PPM1M: variants seen among roughly 807,000 people sequenced by gnomAD.
PPM1M encodes the protein protein phosphatase, Mg2+/Mn2+ dependent 1M, also known as protein phosphatase 1M.
Under a neutral mutation model 50.8 loss-of-function variants are expected in PPM1M, and 44 were observed. The observed-to-expected ratio is 0.87, with a 90% CI of 0.68 to 1.11. PPM1M has a LOEUF of 1.11. PPM1M is among the 50% of genes most tolerant of loss of function. The pLI is 0.00. For missense variants in PPM1M, 556 were observed against 593.4 expected (o/e 0.94, Z 0.66); for synonymous variants, 224 against 242.9 (o/e 0.92, Z 0.72).
chr3:52,246,662 C>T, intron 1 of PPM1M, 33 bp from the exon 2 acceptor site: 2 of 1,270,028 alleles, frequency 1.6e-6, no homozygotes, highest in Non-Finnish European at 2.1e-6. Flanking sequence ...TAGGTGTGTC[C>T]CTGGAGGGTC....
chr3:52,248,401 G>C lies in PPM1M; in HGVS notation c.862G>C (p.Gly288Arg), dbSNP rs779061571. The change falls in exon 6 of 10, where the codon GGG becomes CGG. Residue 288 changes from glycine to arginine, a missense_variant. Transcript: ENST00000323588. ...ACTGGAGTTCCCTCGGCGGCTGAAG[G>C]GGGATGACTTGGGACAGAAGGTTTT... The part of the protein sequence containing the change: ...TRLEFPRRLK[G>R]DDLGQKVLFR... 67 of 1,613,732 alleles carry C rather than the reference G, an allele frequency of 4.2e-5. No individual in the cohort carries two copies. In the Admixed American group the frequency reaches 1.1e-3, roughly 26 times the overall value.
At position 52,249,826 on chromosome 3, in the gene PPM1M, C is replaced by T; in HGVS notation, c.*12C>T. 1 of 1,609,566 alleles carries T rather than the reference C, an allele frequency of 6.2e-7. No homozygotes were observed. Among genetic ancestry groups the T allele is most frequent in the Middle Eastern group, 1.7e-4 (1 of 6,026 alleles). ...GCAGTGACCACTGAGGATTCAGACACTGTATCCCAGAACTGCTCTAGTGCC... is the reference window on the plus strand; with the variant it reads ...GCAGTGACCACTGAGGATTCAGACATTGTATCCCAGAACTGCTCTAGTGCC... On this transcript the variant is annotated 3_prime_UTR_variant, in exon 10 of 10. Transcript: ENST00000323588.
chr3:52,247,854 G>A, intron 4 of PPM1M, 60 bp downstream of exon 4: 3 of 1,089,358 alleles, frequency 2.8e-6, no homozygotes, highest in Non-Finnish European at 4.1e-6. Context: ...GCAGCAATGG[G>A]GACAAGCAAA....
intron 7 of PPM1M, 92 bp downstream of exon 7, chr3:52,248,792 C>A: frequency 1.4e-6 from 2 of 1,430,688 alleles, no homozygotes; most frequent in Non-Finnish European, 2.0e-6. Flanking sequence ...GTAGCTGTGG[C>A]TGGTGGCCTG....
intron 3 of PPM1M, 190 bp downstream of exon 3, chr3:52,247,418 G>A: frequency 1.2e-6 from 1 of 851,028 alleles, no homozygotes; most frequent in Non-Finnish European, 1.8e-6. Context: ...AGCACCTACT[G>A]TGTGCTAACT....
intron 6 of PPM1M, 57 bp downstream of exon 6, chr3:52,248,510 G>C: frequency 6.3e-7 from 1 of 1,591,354 alleles, no homozygotes; most frequent in Non-Finnish European, 8.6e-7. Context: ...AGGCCCAGCC[G>C]TATGGCCTGG....
chr3:52,246,281 C>A (rs1386305701), intron 1 of PPM1M: 21 of 1,035,130 alleles, frequency 2.0e-5, no homozygotes, highest in Admixed American at 5.4e-5. Context: ...GGACCTGCAG[C>A]CCAGGGGCTT....
Position 52,247,042 on chromosome 3 carries a change from C to T in PPM1M, c.411C>T (p.Ala137=), listed in dbSNP as rs1228866702. ...HGGPAAAILA[A]NTLHSCLRRQ... ...GTCCTGCAGCAGCCATCTTGGCTGCCAACACCCTGCACTCCTGCTTGCGCC... is the reference window on the plus strand; with the variant it reads ...GTCCTGCAGCAGCCATCTTGGCTGCTAACACCCTGCACTCCTGCTTGCGCC... The change falls in exon 3 of 10, where the codon GCC becomes GCT. Residue 137 remains alanine, a synonymous_variant. Transcript: ENST00000323588. The T allele has an allele frequency of 1.3e-6, 2 of 1,554,052 alleles. No homozygotes were observed. Among genetic ancestry groups the T allele is most frequent in the Non-Finnish European group, 1.7e-6 (2 of 1,148,546 alleles).
Position 52,245,939 on chromosome 3 carries a change from G to A in PPM1M, c.115G>A (p.Gly39Ser). 2.4e-6 allele frequency: 3 copies of A among 1,241,846 alleles called. No homozygotes were observed. The highest frequency in any genetic ancestry group is 3.1e-6 in the Non-Finnish European group (3 of 967,184). The allele number at this position is 1,241,846 out of a possible 1,614,324, so 76.9% of individuals were successfully genotyped here. ...CTACCGACGGCCCCGCTTCCTTCGCGGCTCCAGCTCCAGCCCCGGGGCGGC... is the reference window on the plus strand; with the variant it reads ...CTACCGACGGCCCCGCTTCCTTCGCAGCTCCAGCTCCAGCCCCGGGGCGGC... ...VPYRRPRFLR[G>S]SSSSPGAADA... Residue 39 changes from glycine (G) to serine (S), a missense_variant, in exon 1 of 10, where the codon GGC (glycine) becomes AGC (serine). By Grantham distance (56) the Gly-to-Ser change is moderately conservative. Coordinates refer to ENST00000323588, the MANE Select transcript of PPM1M (RefSeq NM_144641.4). This position sits in a 1 kb window ranked among gnomAD's most constrained non-coding sequence, Gnocchi z 4.8.
chr3:52,248,463 G>A lies in PPM1M; in HGVS notation c.914+10G>A. The A allele has an allele frequency of 6.2e-7, 1 of 1,610,472 alleles. No individual in the cohort carries two copies. Among genetic ancestry groups the A allele is most frequent in the Non-Finnish European group, 8.5e-7 (1 of 1,177,100 alleles). On this transcript the variant is annotated intron_variant, in intron 6 of 9. Coordinates refer to ENST00000323588, the MANE Select transcript of PPM1M (RefSeq NM_144641.4). ...ACCACATGAGTGGCTGGTGAGTGGG[G>A]ATGGGGGACAGGTAGGAAGGGAGAC...
chr3:52,249,629 T>C, intron 9 of PPM1M, 41 bp from the exon 10 acceptor site: 1 of 1,610,436 alleles, frequency 6.2e-7, no homozygotes, highest in Non-Finnish European at 8.5e-7. Context: ...CTTGCCCCTT[T>C]GCTCTGCCCC....
Position 52,248,353 on chromosome 3 carries a change from C to T in PPM1M, c.814C>T (p.Leu272Phe), listed in dbSNP as rs1207228857. The change falls in exon 6 of 10, where the codon CTT becomes TTT. Residue 272 changes from leucine to phenylalanine, a missense_variant. Leu to Phe is a conservative substitution (Grantham distance 22). Transcript: ENST00000323588. The stretch of plus-strand genomic sequence containing the variant: ...ACCCCAGGCCTTTGTCTATCCTGAG[C>T]TTCTGGCTGGTGAGTTCACCCGACT... Reference protein sequence around the residue: ...IQQLAFVYPELLAGEFTRLEF... With the variant: ...IQQLAFVYPEFLAGEFTRLEF... 6.2e-7 allele frequency: 1 copy of T among 1,612,994 alleles called. No homozygotes were observed. The highest frequency in any genetic ancestry group is 2.2e-5 in the East Asian group (1 of 44,842).
Position 52,245,886 on chromosome 3 carries a change from C to G in PPM1M, c.62C>G (p.Pro21Arg). The change falls in exon 1 of 10, where the codon CCG (proline) becomes CGG (arginine). Residue 21 changes from proline to arginine, a missense_variant. Coordinates refer to ENST00000323588, the MANE Select transcript of PPM1M (RefSeq NM_144641.4). The surrounding 1 kb of genome is among the most constrained non-coding windows in gnomAD (Gnocchi z 4.8). ...GGGGAGCCGCTCCCCGCGCCGCGGC[C>G]GCCTGGGCCGCATGCCAGCCCCGTG... ...LPGEPLPAPR[P>R]PGPHASPVPY... 8.8e-7 allele frequency: 1 copy of G among 1,132,732 alleles called. No individual in the cohort carries two copies. The highest frequency in any genetic ancestry group is 1.1e-6 in the Non-Finnish European group (1 of 907,644). The allele number at this position is 1,132,732 out of a possible 1,614,324, so 70.2% of individuals were successfully genotyped here. A position where few individuals can be genotyped will look rare whatever the true frequency, so the allele number is the denominator to read the frequency against.
Position 52,245,787 on chromosome 3 carries a change from C to A in PPM1M, c.-38C>A. 7 of 969,940 alleles carry A rather than the reference C, an allele frequency of 7.2e-6. No homozygotes were observed. Among genetic ancestry groups the A allele is most frequent in the Non-Finnish European group, 8.6e-6 (7 of 815,916 alleles). The allele number at this position is 969,940 out of a possible 1,614,324, so 60.1% of individuals were successfully genotyped here. A position where few individuals can be genotyped will look rare whatever the true frequency, so the allele number is the denominator to read the frequency against. On this transcript the variant is annotated 5_prime_UTR_variant, in exon 1 of 10. Transcript: ENST00000323588. This position sits in a 1 kb window ranked among gnomAD's most constrained non-coding sequence, Gnocchi z 4.8. ...CCTCCCGCGGGCGGCCCAGCCCTAG[C>A]GCCCCGCGCTCCGCGGGCAGCCCCC...
Position 52,245,794 on chromosome 3 carries a change from C to T in PPM1M, c.-31C>T, listed in dbSNP as rs1699843976. On this transcript the variant is annotated 5_prime_UTR_variant, in exon 1 of 10. Coordinates refer to ENST00000323588, the MANE Select transcript of PPM1M (RefSeq NM_144641.4). This position sits in a 1 kb window ranked among gnomAD's most constrained non-coding sequence, Gnocchi z 4.8. ...CGGGCGGCCCAGCCCTAGCGCCCCG[C>T]GCTCCGCGGGCAGCCCCCTGCCGCC... is the stretch of plus-strand genomic sequence containing the variant. 12 of 987,508 alleles carry T rather than the reference C, an allele frequency of 1.2e-5. No individual in the cohort carries two copies. The highest frequency in any genetic ancestry group is 4.5e-5 in the South Asian group (1 of 22,376). 61.2% of individuals were successfully genotyped at this position (987,508 alleles called of 1,614,324 possible). A position where few individuals can be genotyped will look rare whatever the true frequency, so the allele number is the denominator to read the frequency against.
chr3:52,247,833 G>C (rs771936703), intron 4 of PPM1M, 39 bp downstream of exon 4: 28 of 1,105,784 alleles, frequency 2.5e-5, no homozygotes, highest in Non-Finnish European at 2.6e-5. Context: ...GGTGGGATGG[G>C]GAGGGCATAA....
In PPM1M at chr3:52,246,730, A is replaced by G. The variant is rs1432582142; in HGVS notation, c.260A>G (p.Asp87Gly). The G allele has an allele frequency of 7.6e-7, 1 of 1,318,344 alleles. No individual in the cohort carries two copies. Among genetic ancestry groups the G allele is most frequent in the African/African-American group, 1.5e-5 (1 of 66,558 alleles). The allele number at this position is 1,318,344 out of a possible 1,614,324, so 81.7% of individuals were successfully genotyped here. ...GCAGAGAAATCTGAATTCAATGAGG[A>G]TCAAGCCGCCTGTGGGAAGCTGTGC... is the stretch of plus-strand genomic sequence containing the variant. ...INAEKSEFNE[D>G]QAACGKLCIR... is the part of the protein sequence containing the mutation. Residue 87 changes from aspartate (D) to glycine (G), a missense_variant, in exon 2 of 10, where the codon GAT becomes GGT. Transcript: ENST00000323588.
chr3:52,249,625 C>T (rs1699928492), intron 9 of PPM1M, 45 bp from the exon 10 acceptor site: 1 of 1,610,012 alleles, frequency 6.2e-7, no homozygotes, highest in South Asian at 1.1e-5. Flanking sequence ...TGGCCTTGCC[C>T]CTTTGCTCTG....
Position 52,245,871 on chromosome 3 carries a change from T to A in PPM1M, c.47T>A (p.Leu16His). Residue 16 changes from leucine to histidine, a missense_variant, in exon 1 of 10, where the codon CTC (leucine) becomes CAC (histidine). Physicochemically the swap from Leu to His is moderately conservative, Grantham distance 99. Coordinates refer to ENST00000323588, the MANE Select transcript of PPM1M (RefSeq NM_144641.4). This position sits in a 1 kb window ranked among gnomAD's most constrained non-coding sequence, Gnocchi z 4.8. ...CGCCGCTTCCTGCCTGGGGAGCCGC[T>A]CCCCGCGCCGCGGCCGCCTGGGCCG... is the stretch of plus-strand genomic sequence containing the variant. The part of the protein sequence containing the change: ...FRRRFLPGEP[L>H]PAPRPPGPHA... 9.1e-7 allele frequency: 1 copy of A among 1,096,318 alleles called. No homozygotes were observed. Among genetic ancestry groups the A allele is most frequent in the Non-Finnish European group, 1.1e-6 (1 of 890,366 alleles). 67.9% of individuals were successfully genotyped at this position (1,096,318 alleles called of 1,614,324 possible).
Sources: gnomAD v4.1 joint callset for allele counts on GRCh38, gnomAD v4.1.1 for gene constraint, Gnocchi (gnomAD v3.1) non-coding constraint, MANE v1.5 for transcripts, NCBI Gene and HGNC (gene_info 2026-07-23, HGNC 2026-07-21) for gene names.